Variants in TNKS observed in about 807,000 individuals in gnomAD.
The protein encoded by TNKS is tankyrase, also known as poly [ADP-ribose] polymerase tankyrase-1.
TNKS carries 72 observed loss-of-function variants against 135.8 expected under a neutral mutation model. The ratio of observed to expected loss-of-function variants is 0.53; its 90% CI spans 0.44 to 0.64. The LOEUF (loss-of-function observed/expected upper bound fraction) is 0.64. Among genes scored for constraint, TNKS ranks in the 30% least tolerant of loss-of-function variants. The probability of loss-of-function intolerance (pLI) is 0.00; values close to 1 mark genes in which losing one functional copy is unlikely to be tolerated. For synonymous variants in TNKS, 849 were observed against 649.3 expected (o/e 1.31, Z -4.68); for missense variants, 1,769 against 1,674.0 (o/e 1.06, Z -0.99).
intron 2 of TNKS, among the ~76,000 whole-genome samples, chr8:9,588,282 T>G (rs1798461746): frequency 2.6e-5 from 4 of 152,104 alleles, no homozygotes. Flanking sequence ...CCAAATTGCT[T>G]CTTTTTTTTT....
At position 9,772,809 on chromosome 8, in the gene TNKS, T is replaced by TTGTGTGTGTGTGTGTG. The variant is rs368113364; in HGVS notation, c.3897+2553_3897+2568dup. Among the ~76,000 whole-genome samples the TTGTGTGTGTGTGTGTG allele has an allele frequency of 4.4e-4, 38 of 86,688 alleles. 2 individuals are homozygous for TTGTGTGTGTGTGTGTG. Among genetic ancestry groups the TTGTGTGTGTGTGTGTG allele is most frequent in the African/African-American group, 1.3e-3 (32 of 23,926 alleles). The allele number at this position is 86,688 out of a possible 152,430, so 56.9% of individuals were successfully genotyped here. On this transcript the variant is annotated intron_variant, in intron 26 of 26. Transcript: ENST00000310430. ...TTGGGGAGAATGTGTGTGTGTGTGTTTGTGTGTGTGTGTGTGTGTGTCTGT... is the reference window on the plus strand; with the variant it reads ...TTGGGGAGAATGTGTGTGTGTGTGTTTGTGTGTGTGTGTGTGTGTGTGTGTGTGTGTGTGTGTCTGT...
At chr8:9,678,527 GTTCTT>G (rs1255589244) in intron 3 of TNKS, among the ~76,000 whole-genome samples, 1 of 152,084 alleles carries the variant, frequency 6.6e-6, no homozygotes, top group African/African-American at 2.4e-5. Flanking sequence ...GGTATACAAA[GTTCTT>G]TTAAGAGAAA....
At chr8:9,573,127 C>T (rs1016319753) in intron 1 of TNKS, among the ~76,000 whole-genome samples, 10 of 151,888 alleles carry the variant, frequency 6.6e-5, no homozygotes, top group African/African-American at 2.4e-4. Flanking sequence ...CATTTGTCAC[C>T]AAGTGCCTTT....
At chr8:9,622,466 T>G (rs778987392) in intron 3 of TNKS, among the ~76,000 whole-genome samples, 11 of 152,240 alleles carry the variant, frequency 7.2e-5, no homozygotes, top group Non-Finnish European at 8.8e-5. Flanking sequence ...TGTACTCATT[T>G]TTACAGATGG....
At chr8:9,741,598 C>G in intron 17 of TNKS, 1 of 387,450 alleles carries the variant, frequency 2.6e-6, no homozygotes, top group South Asian at 2.1e-5. Context: ...GTCTTTATAG[C>G]TGTCACAGAG....
At position 9,781,696 on chromosome 8, in the gene TNKS, G is replaced by A. The variant is rs1808462704; in HGVS notation, c.*4960G>A. 6.6e-6 allele frequency: 1 copy of A among 152,610 alleles called. No individual in the cohort carries two copies. Among genetic ancestry groups the A allele is most frequent in the Non-Finnish European group, 1.5e-5 (1 of 68,016 alleles). The allele number at this position is 152,610 out of a possible 1,614,324, so 9.5% of individuals were successfully genotyped here. ...TCAAAACATTTACAAAACCAGCTTTGAGAAAATGTTATGTTGCCTGGCAAC... is the reference window on the plus strand; with the variant it reads ...TCAAAACATTTACAAAACCAGCTTTAAGAAAATGTTATGTTGCCTGGCAAC... On this transcript the variant is annotated 3_prime_UTR_variant, in exon 27 of 27. Transcript: ENST00000310430.
chr8:9,676,183 T>G (rs924478910), intron 3 of TNKS, among the ~76,000 whole-genome samples: 2 of 152,006 alleles, frequency 1.3e-5, no homozygotes, highest in African/African-American at 4.8e-5. Context: ...GGCTAATTTT[T>G]TGTGTTTTTA....
In TNKS at chr8:9,680,706, A is replaced by G. The variant is rs773836613; in HGVS notation, c.1032-19A>G. 26 of 1,565,382 alleles carry G rather than the reference A, an allele frequency of 1.7e-5. No homozygotes were observed. The highest frequency in any genetic ancestry group is 2.1e-5 in the Non-Finnish European group (24 of 1,141,186). On this transcript the variant is annotated intron_variant, in intron 4 of 26. Transcript: ENST00000310430. ...AAGCTTTGTAATTTTAGAGGAATTG[A>G]CTTACTACCTTTTTATAGGAGTGGT...
At chr8:9,585,620 A>T (rs1261016190) in intron 2 of TNKS, among the ~76,000 whole-genome samples, 1 of 152,226 alleles carries the variant, frequency 6.6e-6, no homozygotes. Context: ...GCTGGAAGAA[A>T]AGGATTAAGT....
intron 3 of TNKS, among the ~76,000 whole-genome samples, chr8:9,669,941 A>G (rs1802193539): frequency 6.6e-6 from 1 of 152,208 alleles, no homozygotes; most frequent in African/African-American, 2.4e-5. Context: ...ATGTCTAGAA[A>G]ACCAGTTTGC....
At chr8:9,617,009 CTT>C (rs1217466348) in intron 3 of TNKS, among the ~76,000 whole-genome samples, 7 of 152,186 alleles carry the variant, frequency 4.6e-5, no homozygotes, top group Non-Finnish European at 8.8e-5. Flanking sequence ...GAGCAAGACT[CTT>C]TGTATATCTA....
intron 3 of TNKS, among the ~76,000 whole-genome samples, chr8:9,634,900 G>C (rs1483844457): frequency 6.6e-6 from 1 of 152,144 alleles, no homozygotes; most frequent in Non-Finnish European, 1.5e-5. Flanking sequence ...CTGCTCGGCC[G>C]GGCGCGGTGG....
At chr8:9,668,666 T>C (rs1309634600) in intron 3 of TNKS, among the ~76,000 whole-genome samples, 1 of 152,208 alleles carries the variant, frequency 6.6e-6, no homozygotes, top group African/African-American at 2.4e-5. Context: ...AAGTTATGTG[T>C]AAGTTTGGCC....
At chr8:9,682,780 C>T (rs576732315) in intron 5 of TNKS, among the ~76,000 whole-genome samples, 42 of 150,050 alleles carry the variant, frequency 2.8e-4, no homozygotes, top group Non-Finnish European at 3.4e-4. Context: ...TATGTGAATG[C>T]GATATTTTAT....
intron 11 of TNKS, among the ~76,000 whole-genome samples, chr8:9,713,080 T>C (rs1326576660): frequency 2.0e-5 from 3 of 152,204 alleles, no homozygotes; most frequent in African/African-American, 7.2e-5. Flanking sequence ...TTTAAAAATT[T>C]GGATATCACT....
intron 17 of TNKS, among the ~76,000 whole-genome samples, chr8:9,740,157 C>T (rs143896381): frequency 3.3e-5 from 5 of 151,384 alleles, no homozygotes; most frequent in Admixed American, 6.6e-5. Context: ...GCCTTGATGC[C>T]GTATGTCAGA....
At chr8:9,692,902 C>T (rs1264344333) in intron 5 of TNKS, among the ~76,000 whole-genome samples, 1 of 152,194 alleles carries the variant, frequency 6.6e-6, no homozygotes, top group Non-Finnish European at 1.5e-5. Context: ...TCCATGGACT[C>T]ATGCCTATAT....
intron 1 of TNKS, among the ~76,000 whole-genome samples, chr8:9,560,823 C>A (rs542659828): frequency 1.3e-5 from 2 of 151,948 alleles, no homozygotes; most frequent in East Asian, 3.9e-4. Flanking sequence ...TTAGTGTTTT[C>A]TTAAAACCTT....
chr8:9,623,998 C>T (rs973854732), intron 3 of TNKS, among the ~76,000 whole-genome samples: 1 of 151,442 alleles, frequency 6.6e-6, no homozygotes, highest in Non-Finnish European at 1.5e-5. Flanking sequence ...CAAGAGACAT[C>T]GTCTCAAGAA....
Sources: gnomAD v4.1 joint callset for allele counts (sites outside exome capture counted in the v4.1 genomes callset) on GRCh38, gnomAD v4.1.1 for gene constraint, MANE v1.5 for transcripts, NCBI Gene and HGNC (gene_info 2026-07-23, HGNC 2026-07-21) for gene names.